TAFA2: variants seen among roughly 807,000 people sequenced by gnomAD.
TAFA2 encodes chemokine-like protein TAFA-2.
A neutral mutation model predicts 18.8 loss-of-function variants in TAFA2; 7 were observed. That is an observed-to-expected ratio of 0.37 (90% CI 0.21 to 0.70). The LOEUF (loss-of-function observed/expected upper bound fraction) is 0.70. Among genes scored for constraint, TAFA2 ranks in the 30% least tolerant of loss-of-function variants. TAFA2 has a pLI of 0.53. For missense variants in TAFA2, 122 were observed against 158.1 expected, an observed-to-expected ratio of 0.77 and a Z score of 1.23; for synonymous variants, 60 against 54.2, an observed-to-expected ratio of 1.11 and a Z score of -0.47.
chr12:61,761,259 TAA>T (rs1869533976), intron 2 of TAFA2, among the ~76,000 whole-genome samples: 1 of 151,984 alleles, frequency 6.6e-6, no homozygotes. Context: ...AACTTATTCA[TAA>T]AAAAGAAAAT....
intron 1 of TAFA2, among the ~76,000 whole-genome samples, chr12:62,236,391 A>G (rs2062837810): frequency 6.6e-6 from 1 of 150,508 alleles, no homozygotes; most frequent in Non-Finnish European, 1.5e-5. Flanking sequence ...CAGCCTCCCC[A>G]GTAGCTGGGA....
chr12:62,070,525 C>T (rs1313848550), intron 1 of TAFA2: 3 of 152,158 alleles, frequency 2.0e-5, no homozygotes, highest in Non-Finnish European at 2.9e-5. Flanking sequence ...AGTGGCATAG[C>T]TCTATTCTCT....
intron 1 of TAFA2, among the ~76,000 whole-genome samples, chr12:61,984,649 G>C (rs538380734): frequency 6.6e-6 from 1 of 152,172 alleles, no homozygotes; most frequent in East Asian, 1.9e-4. Context: ...TTGTACATGG[G>C]ATATTATTCA....
chr12:61,776,046 A>G lies in TAFA2; in HGVS notation c.107-21022T>C, dbSNP rs1006451482. ...CTATAAGAAAGGTGATATTGTAGAC[A>G]TAAGGGAATGGGTACTGTAAAAAGA... On this transcript the variant is annotated intron_variant, in intron 2 of 4. Coordinates refer to ENST00000416284, the MANE Select transcript of TAFA2 (RefSeq NM_178539.5). 4.0e-5 allele frequency: 16 copies of G among 395,658 alleles called. 1 individual carries two copies. Among genetic ancestry groups the G allele is most frequent in the South Asian group, 3.5e-4 (15 of 43,422 alleles). The allele number at this position is 395,658 out of a possible 1,614,324, so 24.5% of individuals were successfully genotyped here. A position where few individuals can be genotyped will look rare whatever the true frequency, so the allele number is the denominator to read the frequency against.
intron 1 of TAFA2, among the ~76,000 whole-genome samples, chr12:62,217,576 G>A (rs2062740804): frequency 6.6e-6 from 1 of 152,178 alleles, no homozygotes; most frequent in Admixed American, 6.5e-5. Context: ...TTTCCAGAGG[G>A]AAGCTCATTT....
At chr12:61,950,678 A>G (rs1229963019) in intron 1 of TAFA2, among the ~76,000 whole-genome samples, 1 of 152,098 alleles carries the variant, frequency 6.6e-6, no homozygotes, top group Non-Finnish European at 1.5e-5. Flanking sequence ...CTTATCAGAT[A>G]TATAATTTGT....
chr12:62,122,900 T>C (rs1284497329), intron 1 of TAFA2, among the ~76,000 whole-genome samples: 2 of 152,166 alleles, frequency 1.3e-5, no homozygotes, highest in East Asian at 3.9e-4. Flanking sequence ...TTCTTTTCCA[T>C]GGCCTTTCTT....
At chr12:62,206,653 A>T (rs2062692813) in intron 1 of TAFA2, among the ~76,000 whole-genome samples, 1 of 151,610 alleles carries the variant, frequency 6.6e-6, no homozygotes, top group Non-Finnish European at 1.5e-5. Flanking sequence ...TCATTTTTTG[A>T]CTTTTTTGTA....
At chr12:62,026,401 G>C (rs1217480804) in intron 1 of TAFA2, among the ~76,000 whole-genome samples, 1 of 152,062 alleles carries the variant, frequency 6.6e-6, no homozygotes, top group Admixed American at 6.5e-5. Context: ...TGATGGATTT[G>C]CTTTTTTCTT....
chr12:61,972,727 A>G (rs7964815), intron 1 of TAFA2, among the ~76,000 whole-genome samples: 17,375 of 151,646 alleles, frequency 0.11, 1,037 homozygotes, highest in East Asian at 0.23. Context: ...GGAAATAATC[A>G]TTACTGGAAA....
At position 61,909,403 on chromosome 12, in the gene TAFA2, T is replaced by C. The variant is rs893373426; in HGVS notation, c.-1-41977A>G. 2.6e-5 allele frequency among the ~76,000 whole-genome samples: 4 copies of C among 152,182 alleles called. No individual in the cohort carries two copies. In the East Asian group the frequency reaches 7.7e-4, roughly 29 times the overall value. ...ACATCTAGGTTAGGAAATACACATT[T>C]GGAACTTATCATCATATGGGAAAAT... is the stretch of plus-strand genomic sequence containing the variant. On this transcript the variant is annotated intron_variant, in intron 1 of 4. Transcript: ENST00000416284.
At chr12:62,130,736 A>C (rs1870648953) in intron 1 of TAFA2, among the ~76,000 whole-genome samples, 1 of 151,986 alleles carries the variant, frequency 6.6e-6, no homozygotes, top group Non-Finnish European at 1.5e-5. Flanking sequence ...CTTGAAATTC[A>C]CTGACCCATA....
chr12:62,046,287 C>G (rs555827610), intron 1 of TAFA2, among the ~76,000 whole-genome samples: 582 of 151,930 alleles, frequency 3.8e-3, no homozygotes, highest in Middle Eastern at 6.8e-3. Context: ...TATTGCCATC[C>G]AATTAGGAAG....
chr12:61,864,646 A>G (rs1412395791), intron 2 of TAFA2, among the ~76,000 whole-genome samples: 1 of 151,480 alleles, frequency 6.6e-6, no homozygotes, highest in African/African-American at 2.4e-5. Flanking sequence ...GGTGGTGGGC[A>G]CCTGTAGTCC....
chr12:62,115,214 C>T (rs1344122359), intron 1 of TAFA2, among the ~76,000 whole-genome samples: 4 of 152,080 alleles, frequency 2.6e-5, no homozygotes, highest in Admixed American at 2.6e-4. Context: ...AGTTATCAAA[C>T]TGAAAACACC....
chr12:62,067,606 C>G (rs1457095918), intron 1 of TAFA2, among the ~76,000 whole-genome samples: 6 of 151,868 alleles, frequency 4.0e-5, no homozygotes, highest in Non-Finnish European at 8.8e-5. Flanking sequence ...GCACCTCTGT[C>G]AAAAAATGAG....
chr12:62,181,081 G>T (rs912771635), intron 1 of TAFA2, among the ~76,000 whole-genome samples: 1 of 152,120 alleles, frequency 6.6e-6, no homozygotes, highest in African/African-American at 2.4e-5. Flanking sequence ...CTTTATTTTT[G>T]TCCTTGACCT....
intron 1 of TAFA2, among the ~76,000 whole-genome samples, chr12:62,000,326 C>G (rs1880339165): frequency 6.8e-6 from 1 of 146,128 alleles, no homozygotes; most frequent in Non-Finnish European, 1.5e-5. Context: ...CCCTGCCATA[C>G]TTTCCAGCAC....
intron 1 of TAFA2, among the ~76,000 whole-genome samples, chr12:62,009,667 G>A (rs549399514): frequency 1.1e-4 from 16 of 152,218 alleles, no homozygotes; most frequent in South Asian, 8.3e-4. Context: ...GACACATTAC[G>A]TCATTCCATC....
Sources: gnomAD v4.1 joint callset for allele counts (sites outside exome capture counted in the v4.1 genomes callset) on GRCh38, gnomAD v4.1.1 for gene constraint, MANE v1.5 for transcripts, NCBI Gene and HGNC (gene_info 2026-07-23, HGNC 2026-07-21) for gene names.